WWOX: variants seen among roughly 807,000 people sequenced by gnomAD.
WWOX encodes the protein WW domain containing oxidoreductase, also known as WW domain-containing oxidoreductase.
A neutral mutation model predicts 46.2 loss-of-function variants in WWOX; 69 were observed. The ratio of observed to expected loss-of-function variants is 1.49; its 90% CI spans 1.23 to 1.82. The LOEUF is 1.82. Ranked by LOEUF, WWOX falls within the 40% of genes most tolerant of loss-of-function variation. The pLI is 0.00. For synonymous variants in WWOX, 359 were observed against 202.6 expected (o/e 1.77, Z -6.56); for missense variants, 919 against 542.6 (o/e 1.69, Z -6.89).
chr16:78,109,252 A>G (rs1474164703), intron 2 of WWOX, among the ~76,000 whole-genome samples: 1 of 152,104 alleles, frequency 6.6e-6, no homozygotes, highest in African/African-American at 2.4e-5. Flanking sequence ...TTTGGGAGGC[A>G]GAGGTGGGAG....
intron 8 of WWOX, among the ~76,000 whole-genome samples, chr16:79,173,222 CCCTCCTGGGCCTCCT>C (rs1283102863): frequency 9.9e-5 from 15 of 152,178 alleles, no homozygotes; most frequent in African/African-American, 3.6e-4. Flanking sequence ...TCACCTGCTC[CCCTCCTGGGCCTCCT>C]GAGGGGTGTG....
At chr16:78,934,349 AAAG>A (rs2045690295) in intron 8 of WWOX, among the ~76,000 whole-genome samples, 1 of 148,316 alleles carries the variant, frequency 6.7e-6, no homozygotes, top group Non-Finnish European at 1.5e-5. Flanking sequence ...AAAAAAAAAA[AAAG>A]AAGAAACTTA....
At chr16:78,545,569 G>C (rs1370108560) in intron 8 of WWOX, among the ~76,000 whole-genome samples, 1 of 152,150 alleles carries the variant, frequency 6.6e-6, no homozygotes, top group East Asian at 1.9e-4. Flanking sequence ...GATAAAATGA[G>C]AGTGGAGAGA....
chr16:78,578,271 TATATATA>T lies in WWOX; in HGVS notation c.1056+145520_1056+145526del, dbSNP rs1364430529. On this transcript the variant is annotated intron_variant, in intron 8 of 8. Coordinates refer to ENST00000566780, the MANE Select transcript of WWOX (RefSeq NM_016373.4). ...ACCAAATTTTATATATATATATATA[TATATATA>T]TATATATTTTTTTTTTTTTTTTTTT... Among the ~76,000 whole-genome samples, 6 of 33,772 alleles carry T rather than the reference TATATATA, an allele frequency of 1.8e-4. No individual in the cohort carries two copies. In the East Asian group the frequency reaches 2.6e-3, roughly 15 times the overall value. The allele number at this position is 33,772 out of a possible 152,430, so 22.2% of individuals were successfully genotyped here. A position where few individuals can be genotyped will look rare whatever the true frequency, so the allele number is the denominator to read the frequency against.
intron 4 of WWOX, 125 bp from the exon 5 acceptor site, chr16:78,164,058 G>C: frequency 1.1e-6 from 1 of 876,250 alleles, no homozygotes; most frequent in Non-Finnish European, 1.9e-6. Flanking sequence ...CTGTCCCCTG[G>C]GGATCAAAAT....
At chr16:79,041,010 C>G (rs2047961094) in intron 8 of WWOX, among the ~76,000 whole-genome samples, 1 of 151,870 alleles carries the variant, frequency 6.6e-6, no homozygotes, top group Non-Finnish European at 1.5e-5. Context: ...ACAAGTGCAT[C>G]AGACAAGTGC....
intron 8 of WWOX, among the ~76,000 whole-genome samples, chr16:78,528,165 A>ATTTTTTTTTTTTT (rs56803717): frequency 1.1e-3 from 62 of 58,388 alleles, no homozygotes; most frequent in African/African-American, 4.4e-3. Flanking sequence ...CACCTGGCTA[A>ATTTTTTTTTTTTT]TTTTTTTTTT....
chr16:78,621,562 C>T (rs1427624312), intron 8 of WWOX, among the ~76,000 whole-genome samples: 1 of 133,104 alleles, frequency 7.5e-6, no homozygotes, highest in African/African-American at 2.9e-5. Flanking sequence ...CAATGATTCA[C>T]TTGCACCTTT....
chr16:78,973,328 C>T (rs1415286973), intron 8 of WWOX, among the ~76,000 whole-genome samples: 3 of 152,084 alleles, frequency 2.0e-5, no homozygotes, highest in African/African-American at 7.2e-5. Flanking sequence ...GTGGAGACAG[C>T]CGGGTAGACT....
intron 8 of WWOX, among the ~76,000 whole-genome samples, chr16:78,451,721 C>T (rs530801476): frequency 6.6e-6 from 1 of 152,278 alleles, no homozygotes; most frequent in South Asian, 2.1e-4. Context: ...CGTGTGCTAC[C>T]AGTTAGAATG....
intron 8 of WWOX, among the ~76,000 whole-genome samples, chr16:79,012,113 G>A (rs779103888): frequency 1.3e-5 from 2 of 152,170 alleles, no homozygotes; most frequent in Middle Eastern, 3.2e-3. Context: ...CAGTGCTCTC[G>A]GCCCGCGCTG....
intron 8 of WWOX, among the ~76,000 whole-genome samples, chr16:78,536,531 G>C (rs1192149904): frequency 6.6e-6 from 1 of 152,064 alleles, no homozygotes; most frequent in Admixed American, 6.6e-5. Context: ...TTTTTCTCTT[G>C]GTGCAACTTC....
chr16:78,752,298 T>C (rs1239992760), intron 8 of WWOX, among the ~76,000 whole-genome samples: 1 of 152,238 alleles, frequency 6.6e-6, no homozygotes, highest in Non-Finnish European at 1.5e-5. Flanking sequence ...TCTTTCCTTT[T>C]TGTTTTTGAC....
At chr16:78,144,871 A>G (rs2034145665) in intron 4 of WWOX, among the ~76,000 whole-genome samples, 1 of 152,110 alleles carries the variant, frequency 6.6e-6, no homozygotes, top group South Asian at 2.1e-4. Context: ...TAAAATTTGA[A>G]ATAATTCTTT....
chr16:78,751,405 A>G (rs1204988571), intron 8 of WWOX, among the ~76,000 whole-genome samples: 1 of 145,926 alleles, frequency 6.9e-6, no homozygotes, highest in Non-Finnish European at 1.5e-5. Flanking sequence ...AACTGTAAGA[A>G]TTTATCAGAT....
chr16:78,809,334 A>C (rs1340717078), intron 8 of WWOX, among the ~76,000 whole-genome samples: 1 of 151,782 alleles, frequency 6.6e-6, no homozygotes, highest in African/African-American at 2.4e-5. Context: ...AAAAAAGAAA[A>C]AACCACCGTG....
rs79468032 is a variant in WWOX, at chr16:78,912,196, T to C, written c.1057-299412T>C. Among the ~76,000 whole-genome samples the C allele has an allele frequency of 1.8e-3, 269 of 152,186 alleles. 5 individuals carry two copies. In the East Asian group the frequency reaches 0.047, roughly 27 times the overall value. On this transcript the variant is annotated intron_variant, in intron 8 of 8. Coordinates refer to ENST00000566780, the MANE Select transcript of WWOX (RefSeq NM_016373.4). ...GGCACATAATTAATACTAGCTCTTATTTATAGGAACTGAACAAAGCCCCAG... is the reference window on the plus strand; with the variant it reads ...GGCACATAATTAATACTAGCTCTTACTTATAGGAACTGAACAAAGCCCCAG...
At chr16:78,709,074 A>G (rs1435526315) in intron 8 of WWOX, among the ~76,000 whole-genome samples, 3 of 152,138 alleles carry the variant, frequency 2.0e-5, no homozygotes, top group Admixed American at 2.0e-4. Context: ...GACATCATTC[A>G]TCTGAAAGGT....
rs117734600 is a variant in WWOX, at chr16:78,216,694, A to C, written c.516+52405A>C. On this transcript the variant is annotated intron_variant, in intron 5 of 8. Transcript: ENST00000566780. ...TACCTTTAGGGATCTTTGTGATTTCATTTGGCCCACCTAGATAACCAGGGT... is the reference window on the plus strand; with the variant it reads ...TACCTTTAGGGATCTTTGTGATTTCCTTTGGCCCACCTAGATAACCAGGGT... 2.0e-4 allele frequency among the ~76,000 whole-genome samples: 30 copies of C among 148,440 alleles called. No individual in the cohort carries two copies. In the East Asian group the frequency reaches 5.7e-3, roughly 28 times the overall value.
Sources: allele counts gnomAD v4.1 joint callset (sites outside exome capture counted in the v4.1 genomes callset), GRCh38; gene constraint gnomAD v4.1.1; transcripts MANE v1.5; gene names NCBI Gene and HGNC (gene_info 2026-07-23, HGNC 2026-07-21).